THRAP3: variants seen among roughly 807,000 people sequenced by gnomAD.
The protein encoded by THRAP3 is thyroid hormone receptor-associated protein 3.
THRAP3 carries 16 observed loss-of-function variants against 101.0 expected under a neutral mutation model. The observed-to-expected ratio is 0.16, with a 90% CI of 0.11 to 0.24. THRAP3 has a LOEUF of 0.24. Among genes scored for constraint, THRAP3 ranks in the 10% least tolerant of loss-of-function variants. The pLI, the probability that THRAP3 is intolerant of heterozygous loss-of-function variation, is 1.00. For missense variants in THRAP3, 989 were observed against 1,202.7 expected (o/e 0.82, Z 2.63); for synonymous variants, 407 against 422.6 (o/e 0.96, Z 0.45).
intron 2 of THRAP3, among the ~76,000 whole-genome samples, chr1:36,268,041 G>A (rs1207908363): frequency 1.3e-5 from 2 of 151,744 alleles, no homozygotes; most frequent in African/African-American, 4.8e-5. Context: ...TTAGTTGGGT[G>A]TGGTAGCACG....
intron 1 of THRAP3, among the ~76,000 whole-genome samples, chr1:36,229,563 C>T (rs921774858): frequency 7.2e-5 from 11 of 151,934 alleles, no homozygotes; most frequent in African/African-American, 2.4e-4. Flanking sequence ...GACAAAAATT[C>T]ATTTTCTAAT....
At chr1:36,285,867 C>T (rs772348786) in intron 3 of THRAP3, among the ~76,000 whole-genome samples, 13 of 152,250 alleles carry the variant, frequency 8.5e-5, no homozygotes, top group South Asian at 4.1e-4. Flanking sequence ...TTAAGAAGTT[C>T]ATCCCGCACA....
chr1:36,292,529 G>A (rs538803221), intron 6 of THRAP3, 69 bp from the exon 7 acceptor site: 48 of 1,262,842 alleles, frequency 3.8e-5, no homozygotes, highest in Non-Finnish European at 4.6e-5. Flanking sequence ...CTCGGCCTCC[G>A]AAAGTGGTGG....
intron 2 of THRAP3, among the ~76,000 whole-genome samples, chr1:36,280,023 G>T (rs1645711561): frequency 6.6e-6 from 1 of 152,118 alleles, no homozygotes; most frequent in Non-Finnish European, 1.5e-5. Flanking sequence ...GGTGGCTCAC[G>T]CATGTAATCC....
chr1:36,300,858 G>C, intron 9 of THRAP3, 28 bp from the exon 10 acceptor site: 1 of 1,610,356 alleles, frequency 6.2e-7, no homozygotes, highest in Non-Finnish European at 8.5e-7. Context: ...AAAGATGATT[G>C]ATCACCCTGG....
rs1205189924 is a variant in THRAP3, at chr1:36,303,980, G to T, written c.2831G>T (p.Arg944Leu). 6.3e-7 allele frequency: 1 copy of T among 1,598,930 alleles called. No individual in the cohort carries two copies. The highest frequency in any genetic ancestry group is 1.7e-5 in the Admixed American group (1 of 57,740). The change falls in exon 12 of 12, where the codon CGA (arginine) becomes CTA (leucine). Residue 944 changes from arginine to leucine, a missense_variant. Coordinates refer to ENST00000354618, the MANE Select transcript of THRAP3 (RefSeq NM_005119.4). ...IEDDESGTEN[R>L]EEKDNIQPTT... ...GACGACGAGAGTGGGACAGAGAACC[G>T]AGAAGAGAAGGACAATATACAGCCC...
intron 1 of THRAP3, among the ~76,000 whole-genome samples, chr1:36,240,326 G>A (rs1427941555): frequency 6.6e-6 from 1 of 152,160 alleles, no homozygotes; most frequent in Non-Finnish European, 1.5e-5. Flanking sequence ...AGAGCCCCTG[G>A]GAGGCCTCTA....
chr1:36,233,263 T>C (rs531953391), intron 1 of THRAP3, among the ~76,000 whole-genome samples: 1 of 151,402 alleles, frequency 6.6e-6, no homozygotes, highest in South Asian at 2.1e-4. Context: ...ATCCCAGCAC[T>C]TTGGGAGGCT....
intron 4 of THRAP3, chr1:36,287,499 C>G: frequency 3.0e-6 from 3 of 985,444 alleles, no homozygotes; most frequent in Non-Finnish European, 3.6e-6. Flanking sequence ...TTAGACTACT[C>G]TGCAATGATG....
chr1:36,246,202 G>C (rs1368156224), intron 1 of THRAP3, among the ~76,000 whole-genome samples: 2 of 152,146 alleles, frequency 1.3e-5, no homozygotes, highest in Non-Finnish European at 2.9e-5. Context: ...ACTGGTGCAT[G>C]AGAGGATAAA....
rs1480498502 is a variant in THRAP3 at position 36,282,494 on chromosome 1, G to A, written c.-31-39G>A. The A allele has an allele frequency of 3.4e-6, 5 of 1,472,956 alleles. No individual in the cohort carries two copies. The East Asian group carries it at 9.2e-5, about 27-fold the overall frequency. 91.2% of individuals were successfully genotyped at this position (1,472,956 alleles called of 1,614,324 possible). A position where few individuals can be genotyped will look rare whatever the true frequency, so the allele number is the denominator to read the frequency against. On this transcript the variant is annotated intron_variant, in intron 2 of 11. Transcript: ENST00000354618. Reference sequence around the variant, plus strand: ...TCCAAAGAGGTTCACATTTGCAAAGGAACTCACTCATTTGTTCTAATGCAT... The same window carrying A: ...TCCAAAGAGGTTCACATTTGCAAAGAAACTCACTCATTTGTTCTAATGCAT...
intron 2 of THRAP3, among the ~76,000 whole-genome samples, chr1:36,267,275 G>A (rs1282211777): frequency 1.3e-5 from 2 of 152,144 alleles, no homozygotes; most frequent in African/African-American, 4.8e-5. Flanking sequence ...TCCTTTAAAA[G>A]CAAAGTTTCT....
At chr1:36,302,467 A>C (rs534636855) in intron 11 of THRAP3, among the ~76,000 whole-genome samples, 1 of 152,248 alleles carries the variant, frequency 6.6e-6, no homozygotes, top group South Asian at 2.1e-4. Flanking sequence ...AGGACCTTTG[A>C]ACTTATCTCT....
chr1:36,277,985 ACTC>A (rs1645682676), intron 2 of THRAP3, among the ~76,000 whole-genome samples: 1 of 146,350 alleles, frequency 6.8e-6, no homozygotes, highest in South Asian at 2.2e-4. Context: ...CTGGTCTTGA[ACTC>A]CTGACCTCAG....
intron 1 of THRAP3, among the ~76,000 whole-genome samples, chr1:36,236,199 G>C (rs1645085882): frequency 6.7e-6 from 1 of 149,410 alleles, no homozygotes. Context: ...CAGCCTGGGT[G>C]ACACAGCGAG....
At chr1:36,250,647 C>T (rs1645289243) in intron 1 of THRAP3, among the ~76,000 whole-genome samples, 1 of 151,678 alleles carries the variant, frequency 6.6e-6, no homozygotes. Context: ...CACAGTGGCC[C>T]ACGCCTGTAA....
the THRAP3 span, among the ~76,000 whole-genome samples, chr1:36,210,202 TA>T: frequency 6.7e-6 from 1 of 150,158 alleles, no homozygotes; most frequent in African/African-American, 2.5e-5. Flanking sequence ...CCGTCTGTAC[TA>T]AAAACACAAA....
chr1:36,274,833 A>G (rs1302688924), intron 2 of THRAP3, among the ~76,000 whole-genome samples: 1 of 150,584 alleles, frequency 6.6e-6, no homozygotes, highest in Non-Finnish European at 1.5e-5. Context: ...GGGTTTCACC[A>G]TGTTGGCCAG....
chr1:36,271,286 A>T (rs996842445), intron 2 of THRAP3, among the ~76,000 whole-genome samples: 2 of 151,496 alleles, frequency 1.3e-5, no homozygotes, highest in African/African-American at 4.9e-5. Flanking sequence ...ACACAGGCAA[A>T]TTTTTTTTTC....
Sources: allele counts gnomAD v4.1 joint callset (sites outside exome capture counted in the v4.1 genomes callset), GRCh38; gene constraint gnomAD v4.1.1; transcripts MANE v1.5; gene names NCBI Gene and HGNC (gene_info 2026-07-23, HGNC 2026-07-21).